MRTFB: variants seen among roughly 807,000 people sequenced by gnomAD.
The protein encoded by MRTFB is myocardin-related transcription factor B.
Under a neutral mutation model 104.2 loss-of-function variants are expected in MRTFB, and 29 were observed. The observed-to-expected ratio is 0.28, with a 90% CI of 0.21 to 0.38. The LOEUF (loss-of-function observed/expected upper bound fraction) is 0.38, where lower values mean the gene tolerates loss of function less well. Ranked by LOEUF, MRTFB falls within the 10% of genes least tolerant of loss-of-function variation. The pLI is 1.00. For missense variants in MRTFB, 1,270 were observed against 1,341.6 expected (o/e 0.95, Z 0.83); for synonymous variants, 535 against 519.5 (o/e 1.03, Z -0.41).
chr16:14,186,795 G>A (rs1402161718), intron 3 of MRTFB: 1 of 1,549,130 alleles, frequency 6.5e-7, no homozygotes, highest in Non-Finnish European at 8.6e-7. Flanking sequence ...CAGTGATTGG[G>A]GTATTGTGGG....
intron 2 of MRTFB, among the ~76,000 whole-genome samples, chr16:14,080,028 C>T (rs1022569661): frequency 1.3e-5 from 2 of 152,208 alleles, no homozygotes; most frequent in African/African-American, 4.8e-5. Context: ...GATCATTTTA[C>T]TGGCTGCCTA....
At chr16:14,168,217 A>ATGTGTGTGTG (rs61205256) in intron 3 of MRTFB, among the ~76,000 whole-genome samples, 3,419 of 148,082 alleles carry the variant, frequency 0.023, 114 homozygotes, top group African/African-American at 0.072. Context: ...TAAAGATAAA[A>ATGTGTGTGTG]TGTGTGTGTG....
Position 14,266,230 on chromosome 16 carries a change from T to C in MRTFB, c.*4786T>C, listed in dbSNP as rs2043943048. 1 of 152,240 alleles carries C rather than the reference T, an allele frequency of 6.6e-6. No homozygotes were observed. The highest frequency in any genetic ancestry group is 2.1e-4 in the South Asian group (1 of 4,838). The allele number at this position is 152,240 out of a possible 1,614,324, so 9.4% of individuals were successfully genotyped here. A position where few individuals can be genotyped will look rare whatever the true frequency, so the allele number is the denominator to read the frequency against. The stretch of plus-strand genomic sequence containing the variant: ...TAAGATGTAGATATTTCTCTTATTG[T>C]TTTCATGTAAAATAGTATAGAGTTG... On this transcript the variant is annotated 3_prime_UTR_variant, in exon 17 of 17. Coordinates refer to ENST00000571589, the MANE Select transcript of MRTFB (RefSeq NM_001308142.2).
At chr16:14,060,806 T>A in the MRTFB span, among the ~76,000 whole-genome samples, 1 of 151,816 alleles carries the variant, frequency 6.6e-6, no homozygotes, top group South Asian at 2.1e-4. Flanking sequence ...TCAGGCGGGA[T>A]AGGCTAGTGC....
At chr16:14,214,908 T>G (rs1280548533) in intron 6 of MRTFB, 1 of 152,190 alleles carries the variant, frequency 6.6e-6, no homozygotes, top group Non-Finnish European at 1.5e-5. Flanking sequence ...TTTCTCTACT[T>G]TGGGTTGTGT....
At chr16:14,218,669 G>A in intron 7 of MRTFB, 151 bp from the exon 8 acceptor site, 2 of 653,698 alleles carry the variant, frequency 3.1e-6, no homozygotes, top group East Asian at 2.9e-5. Flanking sequence ...ATGGTTAGTG[G>A]TGTGTTCTTG....
the MRTFB span, among the ~76,000 whole-genome samples, chr16:14,031,648 TA>T: frequency 7.9e-5 from 12 of 152,276 alleles, no homozygotes; most frequent in South Asian, 2.5e-3. Context: ...TCAGAGCCAC[TA>T]AAACCCTTGT....
At chr16:14,110,800 A>C (rs2036231655) in intron 2 of MRTFB, among the ~76,000 whole-genome samples, 1 of 151,862 alleles carries the variant, frequency 6.6e-6, no homozygotes, top group African/African-American at 2.4e-5. Context: ...CTTGCCTTCC[A>C]CCCTTTCTCT....
chr16:14,257,722 G>A (rs1314753698), intron 15 of MRTFB, among the ~76,000 whole-genome samples: 3 of 152,132 alleles, frequency 2.0e-5, no homozygotes, highest in South Asian at 2.1e-4. Context: ...CTTATTATAT[G>A]TCAGGTAAAT....
At chr16:14,175,484 A>G (rs1276338226) in intron 3 of MRTFB, among the ~76,000 whole-genome samples, 4 of 152,166 alleles carry the variant, frequency 2.6e-5, no homozygotes, top group African/African-American at 9.7e-5. Flanking sequence ...GCATTTACTC[A>G]TTTATTCATT....
At chr16:14,171,417 C>T (rs146997634) in intron 3 of MRTFB, among the ~76,000 whole-genome samples, 5 of 151,832 alleles carry the variant, frequency 3.3e-5, no homozygotes, top group Non-Finnish European at 7.4e-5. Flanking sequence ...CTCTCTTGAA[C>T]GTGGGAGACA....
chr16:14,153,900 A>G (rs2038726718), intron 3 of MRTFB, among the ~76,000 whole-genome samples: 1 of 152,174 alleles, frequency 6.6e-6, no homozygotes, highest in Non-Finnish European at 1.5e-5. Context: ...TGAAAACTCC[A>G]ACCACCAACA....
the MRTFB span, among the ~76,000 whole-genome samples, chr16:14,028,176 CAAAAAACA>C: frequency 4.5e-5 from 6 of 132,260 alleles, no homozygotes; most frequent in Admixed American, 8.2e-5. Flanking sequence ...GACTCCATCT[CAAAAAACA>C]AAAAAACAAA....
At chr16:14,232,412 G>A (rs1437344382) in intron 8 of MRTFB, among the ~76,000 whole-genome samples, 1 of 152,212 alleles carries the variant, frequency 6.6e-6, no homozygotes, top group Non-Finnish European at 1.5e-5. Flanking sequence ...ATGAGGCTTG[G>A]TTGGTCGGAG....
At chr16:14,253,956 A>G (rs2043367946) in intron 15 of MRTFB, among the ~76,000 whole-genome samples, 1 of 152,246 alleles carries the variant, frequency 6.6e-6, no homozygotes, top group African/African-American at 2.4e-5. Context: ...ACAGGGGAGC[A>G]GAGACGAAGT....
chr16:14,164,202 A>G (rs775875192), intron 3 of MRTFB, among the ~76,000 whole-genome samples: 19 of 152,124 alleles, frequency 1.2e-4, no homozygotes, highest in Non-Finnish European at 2.5e-4. Flanking sequence ...CTTCATCCCC[A>G]GCACCCGCCC....
chr16:14,222,350 C>T (rs1360379652), intron 8 of MRTFB, among the ~76,000 whole-genome samples: 1 of 152,112 alleles, frequency 6.6e-6, no homozygotes, highest in African/African-American at 2.4e-5. Context: ...CTGCATGCGG[C>T]CCAGGACAGC....
rs1239107442 is a variant in MRTFB at position 14,263,229 on chromosome 16, C to T, written c.*1785C>T. The T allele has an allele frequency of 6.6e-6, 1 of 152,192 alleles. No individual in the cohort carries two copies. Among genetic ancestry groups the T allele is most frequent in the Non-Finnish European group, 1.5e-5 (1 of 68,058 alleles). The allele number at this position is 152,192 out of a possible 1,614,324, so 9.4% of individuals were successfully genotyped here. A position where few individuals can be genotyped will look rare whatever the true frequency, so the allele number is the denominator to read the frequency against. On this transcript the variant is annotated 3_prime_UTR_variant, in exon 17 of 17. Coordinates refer to ENST00000571589, the MANE Select transcript of MRTFB (RefSeq NM_001308142.2). ...TTTAAGTGTTCAGAAATTGGTAAACCAACACACGGGATACAATAACTCTCT... is the reference window on the plus strand; with the variant it reads ...TTTAAGTGTTCAGAAATTGGTAAACTAACACACGGGATACAATAACTCTCT...
In MRTFB at chr16:14,265,040, G is replaced by C. The variant is rs1293035995; in HGVS notation, c.*3596G>C. 1.3e-5 allele frequency: 2 copies of C among 152,192 alleles called. No homozygotes were observed. Among genetic ancestry groups the C allele is most frequent in the Non-Finnish European group, 2.9e-5 (2 of 68,042 alleles). The allele number at this position is 152,192 out of a possible 1,614,324, so 9.4% of individuals were successfully genotyped here. A position where few individuals can be genotyped will look rare whatever the true frequency, so the allele number is the denominator to read the frequency against. ...AGACGTGGTAAAGCACTTTGGCAGGGTTTAAAATATTTGTGAGAAGCCCAC... is the reference window on the plus strand; with the variant it reads ...AGACGTGGTAAAGCACTTTGGCAGGCTTTAAAATATTTGTGAGAAGCCCAC... On this transcript the variant is annotated 3_prime_UTR_variant, in exon 17 of 17. Coordinates refer to ENST00000571589, the MANE Select transcript of MRTFB (RefSeq NM_001308142.2).
Sources: allele counts gnomAD v4.1 joint callset (sites outside exome capture counted in the v4.1 genomes callset), GRCh38; gene constraint gnomAD v4.1.1; transcripts MANE v1.5; gene names NCBI Gene and HGNC (gene_info 2026-07-23, HGNC 2026-07-21).